Variants in BMPER observed in about 807,000 individuals in gnomAD.
The protein encoded by BMPER is BMP-binding endothelial regulator protein.
In BMPER, 45 loss-of-function variants were observed where a neutral mutation model predicts 87.3. The ratio of observed to expected loss-of-function variants is 0.52; its 90% CI spans 0.41 to 0.66. The LOEUF (loss-of-function observed/expected upper bound fraction) is 0.66, where lower values mean the gene tolerates loss of function less well. BMPER is among the 30% of genes least tolerant of loss of function. The pLI is 0.00. For synonymous variants in BMPER, 326 were observed against 316.2 expected, an observed-to-expected ratio of 1.03 and a Z score of -0.33; for missense variants, 784 against 867.5, an observed-to-expected ratio of 0.90 and a Z score of 1.21.
intron 3 of BMPER, among the ~76,000 whole-genome samples, chr7:33,944,549 C>G (rs1784838077): frequency 6.6e-6 from 1 of 152,246 alleles, no homozygotes; most frequent in Non-Finnish European, 1.5e-5. Flanking sequence ...TGAAATAGCT[C>G]AGAAATTATT....
chr7:34,140,763 G>T (rs149194488), intron 13 of BMPER, among the ~76,000 whole-genome samples: 74 of 152,304 alleles, frequency 4.9e-4, no homozygotes, highest in African/African-American at 1.6e-3. Flanking sequence ...CCCCTTACCC[G>T]AACAAATTAC....
chr7:33,997,358 A>G (rs1786442136), intron 6 of BMPER, among the ~76,000 whole-genome samples: 1 of 152,138 alleles, frequency 6.6e-6, no homozygotes, highest in Non-Finnish European at 1.5e-5. Context: ...CCAAGTTGTA[A>G]TCCCCATGTG....
intron 2 of BMPER, among the ~76,000 whole-genome samples, chr7:33,926,730 CAA>C (rs1161569012): frequency 6.6e-6 from 1 of 152,234 alleles, no homozygotes; most frequent in African/African-American, 2.4e-5. Context: ...ATGAGTCAGA[CAA>C]ACCTTAGCTC....
At chr7:33,990,628 C>T (rs1231054922) in intron 6 of BMPER, among the ~76,000 whole-genome samples, 8 of 151,408 alleles carry the variant, frequency 5.3e-5, no homozygotes, top group African/African-American at 1.9e-4. Context: ...GACTAATTGC[C>T]CTGGCCAGAA....
intron 11 of BMPER, among the ~76,000 whole-genome samples, chr7:34,067,501 C>T (rs1788624154): frequency 6.6e-6 from 1 of 152,150 alleles, no homozygotes; most frequent in Non-Finnish European, 1.5e-5. Flanking sequence ...GGTTTCTGGC[C>T]TCCAGGGCTG....
At chr7:34,040,026 A>G (rs112673686) in intron 6 of BMPER, among the ~76,000 whole-genome samples, 2 of 152,182 alleles carry the variant, frequency 1.3e-5, no homozygotes, top group Non-Finnish European at 2.9e-5. Context: ...AGATGATACC[A>G]CCACCTCTAG....
At chr7:33,975,528 C>A (rs1236878418) in intron 6 of BMPER, among the ~76,000 whole-genome samples, 4 of 152,100 alleles carry the variant, frequency 2.6e-5, no homozygotes, top group Admixed American at 2.6e-4. Context: ...GTAAAGGGAT[C>A]TCTTTAATTA....
intron 13 of BMPER, among the ~76,000 whole-genome samples, chr7:34,113,535 T>C (rs980829216): frequency 1.3e-5 from 2 of 151,858 alleles, no homozygotes; most frequent in Admixed American, 1.3e-4. Flanking sequence ...ATATTTTTTT[T>C]GAACCATCTA....
At chr7:34,126,702 C>T (rs1790410526) in intron 13 of BMPER, among the ~76,000 whole-genome samples, 2 of 152,162 alleles carry the variant, frequency 1.3e-5, no homozygotes, top group Admixed American at 6.6e-5. Context: ...TGGCTTTCAA[C>T]CATTATCTTT....
At chr7:34,125,517 G>A (rs1325001697) in intron 13 of BMPER, among the ~76,000 whole-genome samples, 1 of 152,038 alleles carries the variant, frequency 6.6e-6, no homozygotes, top group Non-Finnish European at 1.5e-5. Context: ...TGGAGATTTT[G>A]ACATTTTATT....
intron 6 of BMPER, among the ~76,000 whole-genome samples, chr7:34,031,927 T>TACACAC (rs59791505): frequency 1.8e-4 from 10 of 55,452 alleles, no homozygotes; most frequent in African/African-American, 2.6e-4. Flanking sequence ...TATATATATA[T>TACACAC]ACACACACAC....
intron 3 of BMPER, among the ~76,000 whole-genome samples, chr7:33,943,061 T>C (rs1208231452): frequency 1.3e-5 from 2 of 152,200 alleles, no homozygotes; most frequent in African/African-American, 4.8e-5. Context: ...GGCACAATCA[T>C]GTTTAATTTT....
intron 13 of BMPER, among the ~76,000 whole-genome samples, chr7:34,096,004 G>A (rs1227990594): frequency 6.6e-6 from 1 of 151,778 alleles, no homozygotes. Context: ...GGTTTCCCTT[G>A]TAAATCCCAG....
At chr7:34,007,606 C>G (rs1786768098) in intron 6 of BMPER, among the ~76,000 whole-genome samples, 1 of 151,896 alleles carries the variant, frequency 6.6e-6, no homozygotes, top group African/African-American at 2.4e-5. Flanking sequence ...GGATGTTGTT[C>G]CAAATCAGTG....
chr7:33,937,440 TA>T, intron 3 of BMPER, 52 bp downstream of exon 3: 1 of 1,567,804 alleles, frequency 6.4e-7, no homozygotes, highest in South Asian at 1.1e-5. Context: ...CAGGCATTTT[TA>T]TTTCTCTTTC....
At chr7:34,106,419 T>C (rs1414112957) in intron 13 of BMPER, among the ~76,000 whole-genome samples, 1 of 152,192 alleles carries the variant, frequency 6.6e-6, no homozygotes, top group Non-Finnish European at 1.5e-5. Context: ...CTCTGGGTGG[T>C]TGTTCAACCC....
intron 6 of BMPER, among the ~76,000 whole-genome samples, chr7:34,041,339 A>C (rs564613010): frequency 6.6e-6 from 1 of 152,264 alleles, no homozygotes; most frequent in South Asian, 2.1e-4. Flanking sequence ...CTTGTCACTC[A>C]CTACCTATTG....
chr7:33,938,032 G>C (rs1156707589), intron 3 of BMPER, among the ~76,000 whole-genome samples: 1 of 152,148 alleles, frequency 6.6e-6, no homozygotes, highest in Admixed American at 6.6e-5. Context: ...TGTGCTCAAG[G>C]TGCTCAGCCC....
intron 2 of BMPER, among the ~76,000 whole-genome samples, chr7:33,914,810 G>A (rs2128602702): frequency 1.3e-5 from 2 of 152,282 alleles, no homozygotes; most frequent in South Asian, 4.1e-4. Flanking sequence ...AGAGGCAAGA[G>A]GAGAACCAGG....
Sources: gnomAD v4.1 joint callset for allele counts (sites outside exome capture counted in the v4.1 genomes callset) on GRCh38, gnomAD v4.1.1 for gene constraint, MANE v1.5 for transcripts, NCBI Gene and HGNC (gene_info 2026-07-23, HGNC 2026-07-21) for gene names.